Variants in DDX1 observed in about 807,000 individuals in gnomAD.
The protein encoded by DDX1 is DEAD-box helicase 1.
A neutral mutation model predicts 108.7 loss-of-function variants in DDX1; 28 were observed. The ratio of observed to expected loss-of-function variants is 0.26; its 90% CI spans 0.19 to 0.35. The LOEUF is 0.35. DDX1 is among the 10% of genes least tolerant of loss of function. DDX1 has a pLI of 1.00. For missense variants in DDX1, 710 were observed against 884.5 expected, an observed-to-expected ratio of 0.80 and a Z score of 2.50; for synonymous variants, 295 against 288.9, an observed-to-expected ratio of 1.02 and a Z score of -0.21.
At position 15,595,183 on chromosome 2, in the gene DDX1, G is replaced by A. The variant is rs750891600; in HGVS notation, c.55G>A (p.Glu19Lys). The A allele has an allele frequency of 1.9e-5, 31 of 1,611,412 alleles. No individual in the cohort carries two copies. The highest frequency in any genetic ancestry group is 2.7e-5 in the African/African-American group (2 of 74,862). The change falls in exon 2 of 26, where the codon GAG (glutamate) becomes AAG (lysine). Residue 19 changes from glutamate (E) to lysine (K), a missense_variant. Around this residue, in one of 3 missense-constraint regions of DDX1, gnomAD observed 48 missense variants for 57.5 expected, o/e 0.83. Coordinates refer to ENST00000233084, the MANE Select transcript of DDX1 (RefSeq NM_004939.3). Reference sequence around the variant, plus strand: ...GCCTGAGATTGCACAAGCTGTGGAAGAGATGGATTGGCTGTAAGTACATAA... The same window carrying A: ...GCCTGAGATTGCACAAGCTGTGGAAAAGATGGATTGGCTGTAAGTACATAA... ...VMPEIAQAVE[E>K]MDWLLPTDIQ...
chr2:15,603,039 G>A (rs1012264241), intron 7 of DDX1, among the ~76,000 whole-genome samples, 153 bp from the exon 8 acceptor site: 5 of 152,154 alleles, frequency 3.3e-5, no homozygotes, highest in African/African-American at 7.2e-5. Flanking sequence ...GCTTTAAGTC[G>A]AGGATCTGGG....
intron 10 of DDX1, among the ~76,000 whole-genome samples, chr2:15,605,625 G>A (rs926133334): frequency 1.3e-5 from 2 of 152,144 alleles, no homozygotes; most frequent in Non-Finnish European, 2.9e-5. Context: ...ACAAAAGGGA[G>A]GAGAAAAATG....
intron 19 of DDX1, among the ~76,000 whole-genome samples, chr2:15,625,339 G>A (rs1328438632): frequency 1.3e-5 from 2 of 152,130 alleles, no homozygotes; most frequent in African/African-American, 4.8e-5. Context: ...AAGGATATGA[G>A]GGTATTTTTT....
At chr2:15,612,078 G>GGGGCGGCTGGC (rs1553341905) in intron 13 of DDX1, among the ~76,000 whole-genome samples, 1 of 125,004 alleles carries the variant, frequency 8.0e-6, no homozygotes, top group Non-Finnish European at 1.6e-5. Context: ...GGGGCGGCTG[G>GGGGCGGCTGGC]CTGGCGGGGC....
chr2:15,620,687 T>C (rs1462096311), intron 17 of DDX1, among the ~76,000 whole-genome samples: 1 of 152,154 alleles, frequency 6.6e-6, no homozygotes, highest in Non-Finnish European at 1.5e-5. Flanking sequence ...TTTAGTAGTA[T>C]TTTAGTAGGA....
At position 15,604,500 on chromosome 2, in the gene DDX1, T is replaced by G; in HGVS notation, c.616T>G (p.Ser206Ala). The G allele has an allele frequency of 6.3e-7, 1 of 1,599,974 alleles. No homozygotes were observed. The highest frequency in any genetic ancestry group is 1.3e-5 in the African/African-American group (1 of 74,738). ...TATAGATAAGGGACATGTCAAGTTC[T>G]CCAAAAATGGTAAGCTCTATATGGA... ...LDIDKGHVKFSKNGKDLGLAF... is the reference protein window; with the variant it reads ...LDIDKGHVKFAKNGKDLGLAF... Residue 206 changes from serine to alanine, a missense_variant, in exon 10 of 26, where the codon TCC (serine) becomes GCC (alanine). Ser to Ala is a moderately conservative substitution (Grantham distance 99). Around this residue, in one of 3 missense-constraint regions of DDX1, gnomAD observed 661 missense variants for 810.2 expected, o/e 0.82. Transcript: ENST00000233084.
chr2:15,630,200 A>AG, intron 25 of DDX1, 90 bp downstream of exon 25: 1 of 1,295,106 alleles, frequency 7.7e-7, no homozygotes, highest in Non-Finnish European at 1.1e-6. Context: ...TCATTTCATT[A>AG]GGTTAAGAGT....
At position 15,623,426 on chromosome 2, in the gene DDX1, G is replaced by C. The variant is rs1226022473; in HGVS notation, c.1448-10G>C. The stretch of plus-strand genomic sequence containing the variant: ...TTCTGTTGGTTTTTGTTGTTGTTAT[G>C]ATATTCAAGAGATGTGGTCTGAAGC... On this transcript the variant is annotated splice_polypyrimidine_tract_variant and intron_variant, in intron 18 of 25. Coordinates refer to ENST00000233084, the MANE Select transcript of DDX1 (RefSeq NM_004939.3). The C allele has an allele frequency of 6.2e-7, 1 of 1,612,352 alleles. No individual in the cohort carries two copies. The highest frequency in any genetic ancestry group is 2.2e-5 in the East Asian group (1 of 44,770).
At position 15,621,081 on chromosome 2, in the gene DDX1, C is replaced by T; in HGVS notation, c.1412C>T (p.Ala471Val). The T allele has an allele frequency of 6.2e-7, 1 of 1,609,478 alleles. No homozygotes were observed. The highest frequency in any genetic ancestry group is 1.1e-5 in the South Asian group (1 of 90,628). The change falls in exon 18 of 26, where the codon GCA becomes GTA. Residue 471 changes from alanine (A) to valine (V), a missense_variant. By Grantham distance (64) the Ala-to-Val change is moderately conservative. Coordinates refer to ENST00000233084, the MANE Select transcript of DDX1 (RefSeq NM_004939.3). ...TTTTGATAGACTGATGATGTACATG[C>T]AAAAGATAACACAAGACCTGGTGCT... Reference protein sequence around the residue: ...KSHIRTDDVHAKDNTRPGANS... With the variant: ...KSHIRTDDVHVKDNTRPGANS...
chr2:15,631,022 A>C lies in DDX1; in HGVS notation c.*116A>C. On this transcript the variant is annotated 3_prime_UTR_variant, in exon 26 of 26. Coordinates refer to ENST00000233084, the MANE Select transcript of DDX1 (RefSeq NM_004939.3). The stretch of plus-strand genomic sequence containing the variant: ...ATAGTAACGTAAGCTATTAATGCTA[A>C]CTCTTGCATGTCAAGAAACATTAGT... 1.1e-6 allele frequency: 1 copy of C among 897,282 alleles called. No individual in the cohort carries two copies. 55.6% of individuals were successfully genotyped at this position (897,282 alleles called of 1,614,324 possible). A position where few individuals can be genotyped will look rare whatever the true frequency, so the allele number is the denominator to read the frequency against.
intron 16 of DDX1, among the ~76,000 whole-genome samples, chr2:15,618,940 T>C (rs1004116032): frequency 6.6e-6 from 1 of 152,104 alleles, no homozygotes; most frequent in Non-Finnish European, 1.5e-5. Context: ...TCAGAGTGGG[T>C]GTTGACAGCA....
rs1402517710 is a variant in DDX1, at chr2:15,612,871, G to A, written c.957-353G>A. 2.0e-5 allele frequency among the ~76,000 whole-genome samples: 3 copies of A among 151,926 alleles called. No individual in the cohort carries two copies. The East Asian group carries it at 5.9e-4, about 30-fold the overall frequency. On this transcript the variant is annotated intron_variant, in intron 13 of 25. Coordinates refer to ENST00000233084, the MANE Select transcript of DDX1 (RefSeq NM_004939.3). ...AAAATACGAAAACCAGTCAGGCGTG[G>A]TGGCGCGTGCCTGCAATCGCAGGCA...
intron 19 of DDX1, among the ~76,000 whole-genome samples, chr2:15,623,902 C>T (rs757934421): frequency 2.6e-5 from 4 of 151,542 alleles, no homozygotes; most frequent in African/African-American, 9.7e-5. Context: ...GAATGTATGT[C>T]TTTTAAACCA....
intron 1 of DDX1, among the ~76,000 whole-genome samples, chr2:15,592,317 C>G (rs971647549): frequency 6.6e-6 from 1 of 152,220 alleles, no homozygotes; most frequent in South Asian, 2.1e-4. Flanking sequence ...CTTTGGGAAC[C>G]CTTTTCTGCC....
chr2:15,599,926 A>T (rs898855070), intron 6 of DDX1, among the ~76,000 whole-genome samples: 3 of 152,248 alleles, frequency 2.0e-5, no homozygotes, highest in African/African-American at 7.2e-5. Flanking sequence ...ATATGCAGGA[A>T]AAATAATTAT....
At chr2:15,597,974 T>C (rs1175946463) in intron 5 of DDX1, among the ~76,000 whole-genome samples, 1 of 152,104 alleles carries the variant, frequency 6.6e-6, no homozygotes, top group African/African-American at 2.4e-5. Context: ...TACATGGAAA[T>C]TGGTCTTTTT....
intron 20 of DDX1, among the ~76,000 whole-genome samples, chr2:15,628,240 ATT>A (rs1666131604): frequency 6.6e-6 from 1 of 152,176 alleles, no homozygotes; most frequent in Non-Finnish European, 1.5e-5. Context: ...CCAATCTCTG[ATT>A]TAATCACCTT....
At chr2:15,604,666 C>T (rs991298048) in intron 10 of DDX1, among the ~76,000 whole-genome samples, 157 bp downstream of exon 10, 1 of 152,098 alleles carries the variant, frequency 6.6e-6, no homozygotes, top group South Asian at 2.1e-4. Flanking sequence ...TGTAAGGTAC[C>T]CTGGTAAGTA....
intron 17 of DDX1, 63 bp from the exon 18 acceptor site, chr2:15,621,002 C>A: frequency 9.9e-7 from 1 of 1,007,458 alleles, no homozygotes; most frequent in East Asian, 2.4e-5. Context: ...TAAAACATGA[C>A]ATATATTCTG....
Sources: gnomAD v4.1 joint callset for allele counts (sites outside exome capture counted in the v4.1 genomes callset) on GRCh38, gnomAD v4.1.1 for gene constraint, gnomAD v4.1.1 regional missense constraint, MANE v1.5 for transcripts, NCBI Gene and HGNC (gene_info 2026-07-23, HGNC 2026-07-21) for gene names.